DHRS12: variants seen among roughly 807,000 people sequenced by gnomAD.
DHRS12 encodes dehydrogenase/reductase 12.
In DHRS12, 29 loss-of-function variants were observed where a neutral mutation model predicts 32.1. The ratio of observed to expected loss-of-function variants is 0.90; its 90% confidence interval spans 0.67 to 1.23. DHRS12 has a LOEUF of 1.23. DHRS12 is among the 50% of genes most tolerant of loss of function. DHRS12 has a pLI of 0.00. For synonymous variants in DHRS12, 150 were observed against 135.9 expected (o/e 1.10, Z -0.72); for missense variants, 330 against 337.2 (o/e 0.98, Z 0.17).
the DHRS12 span, chr13:51,762,286 G>C: frequency 1.3e-5 from 2 of 152,186 alleles, no homozygotes; most frequent in Non-Finnish European, 2.9e-5. Flanking sequence ...GAGTGTCCCC[G>C]TCAGATCACA....
At chr13:51,772,044 C>T (rs1954046293) in intron 6 of DHRS12, 133 bp from the exon 7 acceptor site, 1 of 796,554 alleles carries the variant, frequency 1.3e-6, no homozygotes, top group East Asian at 2.6e-5. Context: ...TTGATGTCAC[C>T]CTCCTCCAAA....
chr13:51,787,647 T>A (rs952952677), intron 4 of DHRS12, among the ~76,000 whole-genome samples: 10 of 146,550 alleles, frequency 6.8e-5, no homozygotes, highest in Non-Finnish European at 7.4e-5. Flanking sequence ...ACCTCCATTA[T>A]AGCACTAAAT....
In DHRS12 at chr13:51,774,223, G is replaced by GTATTCTCC. The variant is rs1256330016; in HGVS notation, c.364-190_364-189insGGAGAATA. The GTATTCTCC allele has an allele frequency of 2.5e-5, 14 of 553,636 alleles. No individual in the cohort carries two copies. The African/African-American group carries it at 2.6e-4, about 10-fold the overall frequency. 34.3% of individuals were successfully genotyped at this position (553,636 alleles called of 1,614,324 possible). A position where few individuals can be genotyped will look rare whatever the true frequency, so the allele number is the denominator to read the frequency against. ...ATTCTCCTACATGTATTCTCCTACA[G>GTATTCTCC]TACATGTATTCTCCTACAGTATTCT... On this transcript the variant is annotated intron_variant, in intron 5 of 8. Coordinates refer to ENST00000444610, the MANE Select transcript of DHRS12 (RefSeq NM_001377533.1).
At chr13:51,758,429 T>C in the DHRS12 span, 1 of 519,624 alleles carries the variant, frequency 1.9e-6, no homozygotes, top group Admixed American at 2.7e-5. Flanking sequence ...CATGTGTCTG[T>C]AGTCCCAGCT....
At chr13:51,759,698 C>T in the DHRS12 span, 1 of 1,610,482 alleles carries the variant, frequency 6.2e-7, no homozygotes, top group Non-Finnish European at 8.5e-7. Flanking sequence ...TTATCCTCAA[C>T]ACAATTTTAG....
At chr13:51,780,897 T>C (rs886512198) in intron 4 of DHRS12, among the ~76,000 whole-genome samples, 35 of 152,236 alleles carry the variant, frequency 2.3e-4, no homozygotes, top group Middle Eastern at 3.2e-3. Context: ...AAATTTAGCA[T>C]AGGAAAACTG....
chr13:51,756,198 G>A, the DHRS12 span: 2 of 1,316,364 alleles, frequency 1.5e-6, no homozygotes, highest in African/African-American at 1.5e-5. Context: ...GTTCCCTTTA[G>A]TTCTGGGGCT....
intron 1 of DHRS12, among the ~76,000 whole-genome samples, chr13:51,803,272 T>G (rs1048520739): frequency 2.6e-5 from 4 of 152,102 alleles, no homozygotes; most frequent in African/African-American, 9.7e-5. Context: ...CCTGGGGCAT[T>G]TGGATGAAAT....
At chr13:51,759,294 CGT>C in the DHRS12 span, among the ~76,000 whole-genome samples, 1 of 152,040 alleles carries the variant, frequency 6.6e-6, no homozygotes, top group Non-Finnish European at 1.5e-5. Flanking sequence ...GGACACAGCA[CGT>C]GCTTGGCGTC....
At position 51,804,118 on chromosome 13, in the gene DHRS12, C is replaced by T. The variant is rs373877423; in HGVS notation, c.-73G>A. 125 of 1,482,602 alleles carry T rather than the reference C, an allele frequency of 8.4e-5. 1 individual carries two copies. The South Asian group carries it at 1.4e-3, about 16-fold the overall frequency. 91.8% of individuals were successfully genotyped at this position (1,482,602 alleles called of 1,614,324 possible). On this transcript the variant is annotated 5_prime_UTR_variant, in exon 1 of 9. Transcript: ENST00000444610. ...CTGCGGTACAGGGACATGCCGGGAG[C>T]GCCCCACGCCTAGCCCCACCGCGCT... is the stretch of plus-strand genomic sequence containing the variant.
intron 7 of DHRS12, chr13:51,771,409 C>T: frequency 6.2e-7 from 1 of 1,614,182 alleles, no homozygotes; most frequent in Non-Finnish European, 8.5e-7. Context: ...CATTTACCTT[C>T]ATGCATCATT....
intron 4 of DHRS12, among the ~76,000 whole-genome samples, chr13:51,785,841 G>A (rs763694857): frequency 1.3e-5 from 2 of 152,190 alleles, no homozygotes; most frequent in Non-Finnish European, 2.9e-5. Flanking sequence ...CCACAATTTT[G>A]TTGTCCTTTG....
At chr13:51,781,092 T>G (rs1954682360) in intron 4 of DHRS12, among the ~76,000 whole-genome samples, 1 of 152,230 alleles carries the variant, frequency 6.6e-6, no homozygotes, top group African/African-American at 2.4e-5. Context: ...TGAACACCAT[T>G]TGGTACTTCT....
chr13:51,756,446 G>C, the DHRS12 span: 1 of 1,613,976 alleles, frequency 6.2e-7, no homozygotes, highest in Non-Finnish European at 8.5e-7. Flanking sequence ...CTGCCACGAG[G>C]CCATCACAGA....
At chr13:51,783,752 G>A (rs539089951) in intron 4 of DHRS12, among the ~76,000 whole-genome samples, 1 of 152,292 alleles carries the variant, frequency 6.6e-6, no homozygotes, top group East Asian at 1.9e-4. Context: ...TGGAATCACA[G>A]TCTGCACCCC....
At chr13:51,766,642 T>A (rs1483071444), downstream of DHRS12, 1 of 152,210 alleles carries the variant, frequency 6.6e-6, no homozygotes, top group African/African-American at 2.4e-5. Flanking sequence ...AGGCCCCCAA[T>A]CAAATGCTGC....
At chr13:51,769,118 C>G in intron 8 of DHRS12, 38 bp downstream of exon 8, 1 of 1,548,508 alleles carries the variant, frequency 6.5e-7, no homozygotes, top group Non-Finnish European at 8.7e-7. Context: ...TGCCCCTAGC[C>G]CTGTGTCAGC....
the DHRS12 span, chr13:51,756,390 C>A: frequency 6.2e-7 from 1 of 1,614,132 alleles, no homozygotes; most frequent in Non-Finnish European, 8.5e-7. Flanking sequence ...AAGCGCTCCT[C>A]CATCCCCCTG....
At chr13:51,799,477 G>A in intron 2 of DHRS12, 57 bp downstream of exon 2, 1 of 1,602,506 alleles carries the variant, frequency 6.2e-7, no homozygotes, top group Non-Finnish European at 8.5e-7. Flanking sequence ...CCTCAGTGTG[G>A]ACCGGCCGCA....
Sources: allele counts gnomAD v4.1 joint callset (sites outside exome capture counted in the v4.1 genomes callset), GRCh38; gene constraint gnomAD v4.1.1; transcripts MANE v1.5; gene names NCBI Gene and HGNC (gene_info 2026-07-23, HGNC 2026-07-21).